ABI3BP: variants seen among roughly 807,000 people sequenced by gnomAD.
ABI3BP encodes the protein ABI family member 3 binding protein, also known as target of Nesh-SH3.
In ABI3BP, 216 loss-of-function variants were observed where a neutral mutation model predicts 268.6. The ratio of observed to expected loss-of-function variants is 0.80; its 90% CI spans 0.72 to 0.90. ABI3BP has a LOEUF of 0.90. ABI3BP is among the 40% of genes least tolerant of loss of function. The pLI is 0.00. For synonymous variants in ABI3BP, 730 were observed against 730.0 expected (o/e 1.00, Z 0.00); for missense variants, 2,090 against 2,182.4 (o/e 0.96, Z 0.84).
chr3:100,894,668 G>A (rs778950947), intron 4 of ABI3BP, among the ~76,000 whole-genome samples: 24 of 151,912 alleles, frequency 1.6e-4, no homozygotes, highest in Non-Finnish European at 2.8e-4. Context: ...GGCCGGGCGC[G>A]GTGGCTCACG....
intron 20 of ABI3BP, among the ~76,000 whole-genome samples, chr3:100,844,697 G>A (rs1452740419): frequency 1.3e-5 from 2 of 152,124 alleles, no homozygotes; most frequent in African/African-American, 4.8e-5. Flanking sequence ...ATCATCCTGT[G>A]TTGCTATGGA....
At chr3:100,885,291 T>G (rs1409976422) in intron 6 of ABI3BP, among the ~76,000 whole-genome samples, 3 of 152,050 alleles carry the variant, frequency 2.0e-5, no homozygotes, top group Non-Finnish European at 4.4e-5. Context: ...CCCAGAATAC[T>G]AAAATATTAG....
intron 33 of ABI3BP, among the ~76,000 whole-genome samples, chr3:100,829,006 C>T (rs117453175): frequency 6.6e-6 from 1 of 152,070 alleles, no homozygotes; most frequent in African/African-American, 2.4e-5. Context: ...CACCTAGAAG[C>T]CTGACAGCCT....
At position 100,856,793 on chromosome 3, in the gene ABI3BP, G is replaced by A. The variant is rs114298792; in HGVS notation, c.1286-4853C>T. 4.3e-3 allele frequency among the ~76,000 whole-genome samples: 650 copies of A among 152,262 alleles called. 7 individuals are homozygous for A. Among genetic ancestry groups the A allele is most frequent in the African/African-American group, 0.015 (616 of 41,544 alleles). On this transcript the variant is annotated intron_variant, in intron 14 of 67. Coordinates refer to ENST00000471714, the MANE Select transcript of ABI3BP (RefSeq NM_001375547.2). ...CACATAACCTCCCAACCCATATTAA[G>A]TCTTTAGAAGTCGTGCACACACCCA...
intron 37 of ABI3BP, 34 bp from the exon 38 acceptor site, chr3:100,822,706 T>C: frequency 6.6e-7 from 1 of 1,507,992 alleles, no homozygotes; most frequent in Non-Finnish European, 8.9e-7. Context: ...ACAACATAAC[T>C]GCATTATCTA....
intron 40 of ABI3BP, among the ~76,000 whole-genome samples, chr3:100,819,988 G>GATACACAGTA (rs2098169697): frequency 6.8e-6 from 1 of 146,310 alleles, no homozygotes; most frequent in Admixed American, 6.9e-5. Context: ...TAGTAAATAA[G>GATACACAGTA]ATACACAGTA....
At chr3:100,904,068 GAGCAATAA>G (rs1281859282) in intron 2 of ABI3BP, among the ~76,000 whole-genome samples, 4 of 152,158 alleles carry the variant, frequency 2.6e-5, no homozygotes, top group African/African-American at 9.7e-5. Context: ...TTGAGATATA[GAGCAATAA>G]ACTACCATGT....
At chr3:100,937,476 A>G (rs1487017901) in intron 1 of ABI3BP, among the ~76,000 whole-genome samples, 2 of 152,036 alleles carry the variant, frequency 1.3e-5, no homozygotes, top group African/African-American at 4.8e-5. Context: ...ATAGCTCAGC[A>G]ATAAAACAGA....
At chr3:100,911,789 T>A in intron 2 of ABI3BP, 2 of 1,234,020 alleles carry the variant, frequency 1.6e-6, no homozygotes, top group Non-Finnish European at 2.4e-6. Flanking sequence ...TTGGTGTTAA[T>A]AGCAGAAAAA....
intron 1 of ABI3BP, among the ~76,000 whole-genome samples, chr3:100,959,476 C>T (rs1000486860): frequency 8.9e-5 from 10 of 112,354 alleles, no homozygotes; most frequent in African/African-American, 3.2e-4. Flanking sequence ...GGCGACAGAG[C>T]GAGACTCCGT....
At chr3:100,819,388 T>C (rs946185379) in intron 40 of ABI3BP, among the ~76,000 whole-genome samples, 3 of 152,130 alleles carry the variant, frequency 2.0e-5, no homozygotes, top group African/African-American at 7.2e-5. Flanking sequence ...CTTTTAGATG[T>C]GTATAGCACC....
chr3:100,933,991 T>G (rs2064823577), intron 1 of ABI3BP, among the ~76,000 whole-genome samples: 2 of 152,002 alleles, frequency 1.3e-5, no homozygotes, highest in Admixed American at 1.3e-4. Flanking sequence ...AATAATAATT[T>G]TTTAATTATA....
intron 10 of ABI3BP, 122 bp from the exon 11 acceptor site, chr3:100,865,029 T>G (rs2099036324): frequency 1.3e-6 from 1 of 756,806 alleles, no homozygotes; most frequent in African/African-American, 1.8e-5. Context: ...TTTCTTTTTG[T>G]GTTACTATGT....
intron 13 of ABI3BP, 85 bp downstream of exon 13, chr3:100,862,753 G>T: frequency 1.1e-6 from 1 of 945,904 alleles, no homozygotes; most frequent in Non-Finnish European, 1.6e-6. Context: ...GAGGTTTCCA[G>T]AAATAAGATG....
chr3:100,749,571 A>C lies in ABI3BP; in HGVS notation c.*924T>G. On this transcript the variant is annotated 3_prime_UTR_variant, in exon 68 of 68. Transcript: ENST00000471714. ...TTACAGATTGAATTAAACAGTTACA[A>C]AGACATTCTCTGATACATTCATTCA... is the stretch of plus-strand genomic sequence containing the variant. The C allele has an allele frequency of 2.7e-6, 1 of 373,254 alleles. No individual in the cohort carries two copies. The highest frequency in any genetic ancestry group is 4.7e-6 in the Non-Finnish European group (1 of 211,388). The allele number at this position is 373,254 out of a possible 1,614,324, so 23.1% of individuals were successfully genotyped here. A position where few individuals can be genotyped will look rare whatever the true frequency, so the allele number is the denominator to read the frequency against.
intron 35 of ABI3BP, among the ~76,000 whole-genome samples, chr3:100,825,148 C>G (rs1177817633): frequency 6.6e-6 from 1 of 152,096 alleles, no homozygotes; most frequent in Non-Finnish European, 1.5e-5. Flanking sequence ...GAGTTGCTCA[C>G]TCAAGGAGTG....
At chr3:100,779,101 C>A (rs1479661523) in intron 58 of ABI3BP, among the ~76,000 whole-genome samples, 2 of 152,144 alleles carry the variant, frequency 1.3e-5, no homozygotes, top group Non-Finnish European at 2.9e-5. Flanking sequence ...AAAATTTCTC[C>A]TTTTGTGGGT....
intron 63 of ABI3BP, among the ~76,000 whole-genome samples, chr3:100,764,637 A>G (rs2096175564): frequency 6.6e-6 from 1 of 152,222 alleles, no homozygotes; most frequent in Non-Finnish European, 1.5e-5. Flanking sequence ...ATAAAGTGGA[A>G]TAAAAAGCAG....
rs370851603 is a variant in ABI3BP at position 100,902,284 on chromosome 3, C to T, written c.328+334G>A. ...GAAACAGGCTAATAGGAGCTAACCC[C>T]AAATGAGCACTGACTACAGGCCAGG... On this transcript the variant is annotated intron_variant, in intron 3 of 67. Coordinates refer to ENST00000471714, the MANE Select transcript of ABI3BP (RefSeq NM_001375547.2). Among the ~76,000 whole-genome samples the T allele has an allele frequency of 2.0e-5, 3 of 152,288 alleles. No individual in the cohort carries two copies. In the East Asian group the frequency reaches 5.8e-4, roughly 29 times the overall value.
Sources: gnomAD v4.1 joint callset for allele counts (sites outside exome capture counted in the v4.1 genomes callset) on GRCh38, gnomAD v4.1.1 for gene constraint, MANE v1.5 for transcripts, NCBI Gene and HGNC (gene_info 2026-07-23, HGNC 2026-07-21) for gene names.